Variants in CDC42BPG observed in about 807,000 individuals in gnomAD.
CDC42BPG encodes serine/threonine-protein kinase MRCK gamma.
A neutral mutation model predicts 192.2 loss-of-function variants in CDC42BPG; 157 were observed. The ratio of observed to expected loss-of-function variants is 0.82; its 90% CI spans 0.72 to 0.93. The LOEUF is 0.93. Among genes scored for constraint, CDC42BPG ranks in the 40% least tolerant of loss-of-function variants. The probability of loss-of-function intolerance (pLI) is 0.00; values close to 1 mark genes in which losing one functional copy is unlikely to be tolerated. For missense variants in CDC42BPG, 1,992 were observed against 2,122.1 expected (o/e 0.94, Z 1.20); for synonymous variants, 981 against 918.5 (o/e 1.07, Z -1.23).
intron 17 of CDC42BPG, 21 bp downstream of exon 17, chr11:64,835,026 C>G (rs368132596): frequency 3.5e-5 from 55 of 1,568,396 alleles, no homozygotes; most frequent in Non-Finnish European, 4.5e-5. Context: ...TTCCCCACCC[C>G]GACCCACCCC....
chr11:64,829,339 G>A (rs1385231916), intron 30 of CDC42BPG, 132 bp downstream of exon 30: 3 of 1,161,754 alleles, frequency 2.6e-6, no homozygotes, highest in African/African-American at 1.5e-5. Context: ...GGGACAGGGT[G>A]TTGTTGGGCT....
At chr11:64,837,367 G>A (rs187599007) in intron 9 of CDC42BPG, among the ~76,000 whole-genome samples, 6 of 152,334 alleles carry the variant, frequency 3.9e-5, no homozygotes, top group Admixed American at 3.3e-4. Context: ...TGGTCTAGAG[G>A]AGTGGGGATC....
Position 64,841,642 on chromosome 11 carries a change from A to T in CDC42BPG, c.336+8T>A. ...GGTGCCCAAGGGCCCCCCAGACTCC[A>T]CACTGACCTCAGCCCTCTTCAGCAT... On this transcript the variant is annotated splice_region_variant and intron_variant, in intron 3 of 36. Transcript: ENST00000342711. The T allele has an allele frequency of 6.3e-7, 1 of 1,579,612 alleles. No homozygotes were observed. Among genetic ancestry groups the T allele is most frequent in the Non-Finnish European group, 8.6e-7 (1 of 1,163,992 alleles).
At position 64,831,740 on chromosome 11, in the gene CDC42BPG, G is replaced by C. The variant is rs749348626; in HGVS notation, c.3088-19C>G. The C allele has an allele frequency of 1.3e-6, 2 of 1,567,292 alleles. No homozygotes were observed. The highest frequency in any genetic ancestry group is 1.2e-5 in the South Asian group (1 of 86,810). On this transcript the variant is annotated intron_variant, in intron 27 of 36. Transcript: ENST00000342711. The stretch of plus-strand genomic sequence containing the variant: ...TTGTCACCTGTGGGCAAGGACCCCA[G>C]CTGGAGGGCCGTGGACCAGAGCCAT...
chr11:64,839,998 G>C, intron 5 of CDC42BPG, 122 bp downstream of exon 5: 1 of 978,950 alleles, frequency 1.0e-6, no homozygotes, highest in Non-Finnish European at 1.5e-6. Context: ...ACACGGATGA[G>C]GCACCCAGAG....
rs765593305 is a variant in CDC42BPG at position 64,834,885 on chromosome 11, CCT to C, written c.2137_2138del (p.Arg713GlufsTer61). On this transcript the variant is annotated frameshift_variant, in exon 18 of 37. Transcript: ENST00000342711. LOFTEE classifies it high-confidence loss of function. ...CAGGGAGCGTCTGGGTGCCTACGTT[CCT>C]CAAGGACTCCAGCTCCTCTGCCATC... is the stretch of plus-strand genomic sequence containing the variant. ...TKMAEELESL[R>X]NVGTQTLPAR... is the part of the protein sequence containing the mutation. 1 of 1,614,052 alleles carries C rather than the reference CCT, an allele frequency of 6.2e-7. No homozygotes were observed. Among genetic ancestry groups the C allele is most frequent in the South Asian group, 1.1e-5 (1 of 91,082 alleles).
In CDC42BPG at chr11:64,834,697, C is replaced by T. The variant is rs1214783372; in HGVS notation, c.2176-120G>A. On this transcript the variant is annotated intron_variant, in intron 18 of 36. Transcript: ENST00000342711. Reference sequence around the variant, plus strand: ...AGCCAGGCTCAAAGCTCCAGCTCAGCCAATGACCCACTGTGAGCTCAGGGA... The same window carrying T: ...AGCCAGGCTCAAAGCTCCAGCTCAGTCAATGACCCACTGTGAGCTCAGGGA... 1.3e-5 allele frequency: 18 copies of T among 1,379,636 alleles called. No individual in the cohort carries two copies. The East Asian group carries it at 1.5e-4, about 11-fold the overall frequency. 85.5% of individuals were successfully genotyped at this position (1,379,636 alleles called of 1,614,324 possible).
Position 64,835,059 on chromosome 11 carries a change from T to A in CDC42BPG, c.2048A>T (p.Asp683Val), listed in dbSNP as rs1180462265. Residue 683 changes from aspartate (D) to valine (V), a missense_variant, in exon 17 of 37, where the codon GAC becomes GTC. Asp to Val is a radical substitution (Grantham distance 152). Transcript: ENST00000342711. ...TESNWEAQLA[D>V]ILSWVNDEKV... ...CCCTGGCACCCACCAGCTGAGGATG[T>A]CGGCGAGCTGGGCCTCCCAGTTGCT... The A allele has an allele frequency of 2.7e-5, 42 of 1,553,784 alleles. No individual in the cohort carries two copies. The highest frequency in any genetic ancestry group is 3.5e-5 in the Non-Finnish European group (40 of 1,150,236).
Position 64,834,284 on chromosome 11 carries a change from G to C in CDC42BPG, c.2395C>G (p.Arg799Gly). 1 of 1,576,696 alleles carries C rather than the reference G, an allele frequency of 6.3e-7. No individual in the cohort carries two copies. The highest frequency in any genetic ancestry group is 8.6e-7 in the Non-Finnish European group (1 of 1,166,824). The change falls in exon 20 of 37, where the codon CGG becomes GGG. Residue 799 changes from arginine (R) to glycine (G), a missense_variant. By Grantham distance (125) the Arg-to-Gly change is moderately radical (BLOSUM62 -2). Transcript: ENST00000342711. ...QELAMLREELRARGPVDTKPS... is the reference protein window; with the variant it reads ...QELAMLREELGARGPVDTKPS... Reference sequence around the variant, plus strand: ...CACTCACCCACTGGCCCTCGGGCCCGCAGCTCCTCCCGCAGCATGGCGAGC... The same window carrying C: ...CACTCACCCACTGGCCCTCGGGCCCCCAGCTCCTCCCGCAGCATGGCGAGC...
chr11:64,833,292 G>C lies in CDC42BPG; in HGVS notation c.2670C>G (p.Thr890=). 1.9e-6 allele frequency: 3 copies of C among 1,545,402 alleles called. No individual in the cohort carries two copies. Among genetic ancestry groups the C allele is most frequent in the Non-Finnish European group, 2.6e-6 (3 of 1,145,218 alleles). ...TCAGCGAGGTGCAGCGGAGACACTT[G>C]GTCGGGGATGGGAAGCTCCGGGGGC... ...TLRPRSFPSP[T]KCLRCTSLML... Residue 890 remains threonine (T), a synonymous_variant, in exon 24 of 37, where the codon ACC becomes ACG. Coordinates refer to ENST00000342711, the MANE Select transcript of CDC42BPG (RefSeq NM_017525.3).
At chr11:64,833,059 G>A in intron 24 of CDC42BPG, 100 bp from the exon 25 acceptor site, 1 of 1,410,002 alleles carries the variant, frequency 7.1e-7, no homozygotes, top group Non-Finnish European at 9.5e-7. Flanking sequence ...TGAAGCCACG[G>A]TGGCACCCGA....
intron 8 of CDC42BPG, 99 bp downstream of exon 8, chr11:64,838,555 C>G: frequency 6.7e-7 from 1 of 1,499,390 alleles, no homozygotes; most frequent in Non-Finnish European, 9.1e-7. Context: ...GTCTGAAGGC[C>G]TCACCCCCAG....
rs778868002 is a variant in CDC42BPG, at chr11:64,829,836, C to A, written c.3602G>T (p.Arg1201Leu). 3 of 1,605,928 alleles carry A rather than the reference C, an allele frequency of 1.9e-6. No homozygotes were observed. Among genetic ancestry groups the A allele is most frequent in the Admixed American group, 1.7e-5 (1 of 57,620 alleles). The change falls in exon 30 of 37, where the codon CGC becomes CTC. Residue 1201 changes from arginine (R) to leucine (L), a missense_variant. Physicochemically the swap from Arg to Leu is moderately radical, Grantham distance 102. This residue lies in a region of CDC42BPG where 1,656 missense variants were observed against 1,844.3 expected (regional missense o/e 0.90). Coordinates refer to ENST00000342711, the MANE Select transcript of CDC42BPG (RefSeq NM_017525.3). The stretch of plus-strand genomic sequence containing the variant: ...GCCCAGCTGGTAGCAGAGCACCTGG[C>A]GCTTGACGGCTACACAGAGCACCGG... ...RTPVLCVAVKRQVLCYQLGPG... is the reference protein window; with the variant it reads ...RTPVLCVAVKLQVLCYQLGPG...
rs915916133 is a variant in CDC42BPG at position 64,831,732 on chromosome 11, G to A, written c.3088-11C>T. ...CTGGGAGGTTGTCACCTGTGGGCAA[G>A]GACCCCAGCTGGAGGGCCGTGGACC... On this transcript the variant is annotated splice_polypyrimidine_tract_variant and intron_variant, in intron 27 of 36. Transcript: ENST00000342711. The A allele has an allele frequency of 1.9e-6, 3 of 1,578,134 alleles. No individual in the cohort carries two copies. Among genetic ancestry groups the A allele is most frequent in the South Asian group, 1.1e-5 (1 of 87,704 alleles).
In CDC42BPG at chr11:64,829,141, C is replaced by A. The variant is rs577352210; in HGVS notation, c.3967+330G>T. On this transcript the variant is annotated intron_variant, in intron 30 of 36. Coordinates refer to ENST00000342711, the MANE Select transcript of CDC42BPG (RefSeq NM_017525.3). Reference sequence around the variant, plus strand: ...AGGGTGAGGTGGGAGGATCACTTGACCCCAGGAGGCGGAGGTGGCAGTGAG... The same window carrying A: ...AGGGTGAGGTGGGAGGATCACTTGAACCCAGGAGGCGGAGGTGGCAGTGAG... 7.9e-5 allele frequency among the ~76,000 whole-genome samples: 12 copies of A among 152,170 alleles called. No homozygotes were observed. The South Asian group carries it at 2.5e-3, about 32-fold the overall frequency.
rs747736795 is a variant in CDC42BPG, at chr11:64,836,162, C to G, written c.1623G>C (p.Arg541=). ...EREAATASQT[R]ALSSQLEEAR... ...CTTCCTCCAGCTGGGAGCTCAGGGC[C>G]CGGGTCTGGCTAGCTGTGGCCGCCT... Residue 541 remains arginine, a synonymous_variant, in exon 13 of 37, where the codon CGG becomes CGC. Coordinates refer to ENST00000342711, the MANE Select transcript of CDC42BPG (RefSeq NM_017525.3). The G allele has an allele frequency of 8.1e-6, 13 of 1,597,042 alleles. No individual in the cohort carries two copies. In the Admixed American group the frequency reaches 2.1e-4, roughly 25 times the overall value.
In CDC42BPG at chr11:64,823,219, A is replaced by T. The variant is rs7104492; in HGVS notation, c.*1254T>A. 0.25 allele frequency among the ~76,000 whole-genome samples: 38,250 copies of T among 151,232 alleles called. 5,299 individuals carry two copies. Among genetic ancestry groups the T allele is most frequent in the African/African-American group, 0.36 (14,796 of 41,180 alleles). ...CTCCTGCCTCAGCCTCCCGAGTAGCAGGGACTACAGGCACCCGTCACCACG... is the reference window on the plus strand; with the variant it reads ...CTCCTGCCTCAGCCTCCCGAGTAGCTGGGACTACAGGCACCCGTCACCACG... On this transcript the variant is annotated 3_prime_UTR_variant, in exon 37 of 37. Coordinates refer to ENST00000342711, the MANE Select transcript of CDC42BPG (RefSeq NM_017525.3).
In CDC42BPG at chr11:64,836,720, GGGT is replaced by G. The variant is rs760622855; in HGVS notation, c.1384+16_1384+18del. 5.8e-4 allele frequency: 492 copies of G among 843,604 alleles called. 1 individual carries two copies. The African/African-American group carries it at 7.3e-3, about 12-fold the overall frequency. The allele number at this position is 843,604 out of a possible 1,614,324, so 52.3% of individuals were successfully genotyped here. On this transcript the variant is annotated intron_variant, in intron 11 of 36. Transcript: ENST00000342711. ...GGACTCAGCCCTGGGGGGGGGGGGG[GGGT>G]GGGCGGAAGGGATACCTGGCAGCCT... is the stretch of plus-strand genomic sequence containing the variant.
chr11:64,833,325 G>T lies in CDC42BPG; in HGVS notation c.2637C>A (p.His879Gln), dbSNP rs949360903. 42 of 1,523,478 alleles carry T rather than the reference G, an allele frequency of 2.8e-5. No individual in the cohort carries two copies. The highest frequency in any genetic ancestry group is 3.6e-5 in the Non-Finnish European group (41 of 1,132,290). 94.4% of individuals were successfully genotyped at this position (1,523,478 alleles called of 1,614,324 possible). ...TEGLPAKPGS[H>Q]TLRPRSFPSP... ...ATGGGAAGCTCCGGGGGCGCAGCGT[G>T]TGTGAGCCGGGCTGGGGAGGGGGAC... Residue 879 changes from histidine (H) to glutamine (Q), a missense_variant, in exon 24 of 37, where the codon CAC becomes CAA. His to Gln is a conservative substitution (Grantham distance 24, BLOSUM62 0). Coordinates refer to ENST00000342711, the MANE Select transcript of CDC42BPG (RefSeq NM_017525.3).
Sources: allele counts gnomAD v4.1 joint callset (sites outside exome capture counted in the v4.1 genomes callset), GRCh38; gene constraint gnomAD v4.1.1; regional missense constraint gnomAD v4.1.1; transcripts MANE v1.5; gene names NCBI Gene and HGNC (gene_info 2026-07-23, HGNC 2026-07-21).